Variants in FREM2 observed in about 807,000 individuals in gnomAD.
FREM2 encodes the protein FRAS1-related extracellular matrix protein 2.
A neutral mutation model predicts 219.9 loss-of-function variants in FREM2; 119 were observed. The ratio of observed to expected loss-of-function variants is 0.54; its 90% CI spans 0.47 to 0.63. The LOEUF (loss-of-function observed/expected upper bound fraction) is 0.63, where lower values mean the gene tolerates loss of function less well. FREM2 is among the 30% of genes least tolerant of loss of function. FREM2 has a pLI of 0.00. For synonymous variants in FREM2, 1,562 were observed against 1,522.8 expected, an observed-to-expected ratio of 1.03 and a Z score of -0.60; for missense variants, 4,030 against 3,993.6, an observed-to-expected ratio of 1.01 and a Z score of -0.25.
intron 5 of FREM2, 113 bp downstream of exon 5, chr13:38,783,308 A>G (rs1012972395): frequency 4.1e-5 from 46 of 1,129,542 alleles, no homozygotes; most frequent in Admixed American, 8.6e-5. Flanking sequence ...TTAATTTTCC[A>G]TAGATACAGA....
At chr13:38,859,969 G>A (rs1052497769) in intron 14 of FREM2, among the ~76,000 whole-genome samples, 5 of 151,976 alleles carry the variant, frequency 3.3e-5, no homozygotes, top group Non-Finnish European at 7.3e-5. Context: ...ATCAAAGAGG[G>A]GAGGCTCAAG....
intron 2 of FREM2, among the ~76,000 whole-genome samples, chr13:38,716,007 A>G (rs1435146401): frequency 6.6e-6 from 1 of 152,162 alleles, no homozygotes; most frequent in Non-Finnish European, 1.5e-5. Flanking sequence ...TAGTAAATGA[A>G]GAGTTGATTT....
intron 10 of FREM2, 59 bp from the exon 11 acceptor site, chr13:38,851,627 G>A: frequency 7.9e-7 from 1 of 1,271,334 alleles, no homozygotes; most frequent in Non-Finnish European, 1.1e-6. Flanking sequence ...CATTAGAAAT[G>A]GAGGAAAAGC....
In FREM2 at chr13:38,689,443, C is replaced by A; in HGVS notation, c.2099C>A (p.Pro700His). 6.2e-7 allele frequency: 1 copy of A among 1,614,084 alleles called. No homozygotes were observed. Among genetic ancestry groups the A allele is most frequent in the Middle Eastern group, 1.7e-4 (1 of 6,060 alleles). ...CGTATCCATCCTGTGGATCGCCTCCCTCCGGAGCTGGGCAGTGGCTGTCCC... is the reference window on the plus strand; with the variant it reads ...CGTATCCATCCTGTGGATCGCCTCCATCCGGAGCTGGGCAGTGGCTGTCCC... Reference protein sequence around the residue: ...VIRIHPVDRLPPELGSGCPLR... With the variant: ...VIRIHPVDRLHPELGSGCPLR... Residue 700 changes from proline (P) to histidine (H), a missense_variant, in exon 1 of 24, where the codon CCT (proline) becomes CAT (histidine). Pro to His is a moderately conservative substitution (Grantham distance 77). Transcript: ENST00000280481.
intron 16 of FREM2, among the ~76,000 whole-genome samples, chr13:38,869,461 G>T (rs923748707): frequency 5.3e-5 from 8 of 152,126 alleles, no homozygotes; most frequent in African/African-American, 9.7e-5. Context: ...CCTACTCTGT[G>T]CCAGGGAACA....
intron 2 of FREM2, among the ~76,000 whole-genome samples, chr13:38,720,969 G>C (rs1871215134): frequency 5.3e-5 from 8 of 152,104 alleles, no homozygotes; most frequent in African/African-American, 1.9e-4. Flanking sequence ...GCATGAGTTT[G>C]ATGAAAAGAG....
At chr13:38,714,773 A>C (rs570258747) in intron 2 of FREM2, among the ~76,000 whole-genome samples, 1 of 152,140 alleles carries the variant, frequency 6.6e-6, no homozygotes, top group Admixed American at 6.5e-5. Flanking sequence ...AGTTAAAAAA[A>C]CTTAATTTAA....
chr13:38,802,035 T>C (rs1875032736), intron 6 of FREM2, among the ~76,000 whole-genome samples: 1 of 152,188 alleles, frequency 6.6e-6, no homozygotes, highest in African/African-American at 2.4e-5. Flanking sequence ...CTTCCAACAG[T>C]GGCAAACTGA....
At chr13:38,807,477 G>A (rs1875293147) in intron 6 of FREM2, among the ~76,000 whole-genome samples, 1 of 151,122 alleles carries the variant, frequency 6.6e-6, no homozygotes, top group Non-Finnish European at 1.5e-5. Context: ...ATAAATCACT[G>A]TCTATGGCAG....
At chr13:38,864,174 A>T (rs1566171265) in intron 15 of FREM2, 101 bp from the exon 16 acceptor site, 1 of 926,620 alleles carries the variant, frequency 1.1e-6, no homozygotes, top group Non-Finnish European at 1.7e-6. Flanking sequence ...GCTGTATGGC[A>T]TTTTATGACA....
chr13:38,825,850 C>T (rs911367889), intron 6 of FREM2, among the ~76,000 whole-genome samples: 1 of 152,036 alleles, frequency 6.6e-6, no homozygotes, highest in Non-Finnish European at 1.5e-5. Flanking sequence ...TAGAAAGTGG[C>T]CTTGCTTTAT....
intron 4 of FREM2, among the ~76,000 whole-genome samples, chr13:38,772,839 G>A (rs1315561267): frequency 6.6e-6 from 1 of 151,900 alleles, no homozygotes; most frequent in African/African-American, 2.4e-5. Context: ...CTGGATTACG[G>A]GCGGTTGCCA....
chr13:38,793,149 G>T (rs982628618), intron 6 of FREM2, among the ~76,000 whole-genome samples: 38 of 152,186 alleles, frequency 2.5e-4, no homozygotes, highest in African/African-American at 9.2e-4. Flanking sequence ...GAGCACCTGT[G>T]TGCCTGCACA....
intron 6 of FREM2, among the ~76,000 whole-genome samples, chr13:38,823,539 C>T (rs1236674957): frequency 6.6e-6 from 1 of 152,024 alleles, no homozygotes; most frequent in Non-Finnish European, 1.5e-5. Flanking sequence ...CTGCAGCCCC[C>T]AAACATATGA....
intron 6 of FREM2, among the ~76,000 whole-genome samples, chr13:38,838,606 G>A (rs1186960138): frequency 2.0e-5 from 3 of 152,284 alleles, no homozygotes; most frequent in East Asian, 1.9e-4. Flanking sequence ...CCAATCAAAC[G>A]TAGGTTTGGT....
chr13:38,880,261 A>C, intron 23 of FREM2, 23 bp from the exon 24 acceptor site: 1 of 1,610,712 alleles, frequency 6.2e-7, no homozygotes, highest in African/African-American at 1.3e-5. Context: ...GTATTTCCTA[A>C]TAAATAGAGT....
chr13:38,736,167 G>C (rs1172766493), intron 2 of FREM2, among the ~76,000 whole-genome samples: 1 of 152,088 alleles, frequency 6.6e-6, no homozygotes, highest in African/African-American at 2.4e-5. Flanking sequence ...AATGATACAA[G>C]GTATCTCAAA....
chr13:38,784,056 G>A (rs576301255), intron 5 of FREM2, among the ~76,000 whole-genome samples: 5 of 152,330 alleles, frequency 3.3e-5, no homozygotes, highest in Middle Eastern at 3.4e-3. Flanking sequence ...CCAAGATCAC[G>A]CCATTGCATT....
rs943183675 is a variant in FREM2, at chr13:38,868,586, T to G, written c.7983+3980T>G. Among the ~76,000 whole-genome samples the G allele has an allele frequency of 2.6e-5, 4 of 152,242 alleles. No individual in the cohort carries two copies. In the East Asian group the frequency reaches 5.8e-4, roughly 22 times the overall value. On this transcript the variant is annotated intron_variant, in intron 16 of 23. Coordinates refer to ENST00000280481, the MANE Select transcript of FREM2 (RefSeq NM_207361.6). ...AAAGCCAGGTGAACTTTTTCCTTTG[T>G]CCTTGGTACAAGTATGCTGCCTGAC...
Sources: gnomAD v4.1 joint callset for allele counts (sites outside exome capture counted in the v4.1 genomes callset) on GRCh38, gnomAD v4.1.1 for gene constraint, MANE v1.5 for transcripts, NCBI Gene and HGNC (gene_info 2026-07-23, HGNC 2026-07-21) for gene names.